The following PIAS2 variants were observed in gnomAD, a reference collection of about 807,000 sequenced individuals.
The protein encoded by PIAS2 is E3 SUMO-protein ligase PIAS2.
PIAS2 carries 19 observed loss-of-function variants against 69.7 expected under a neutral mutation model. That is an observed-to-expected ratio of 0.27 (90% CI 0.19 to 0.40). The LOEUF is 0.40. PIAS2 is among the 10% of genes least tolerant of loss of function. The probability of loss-of-function intolerance (pLI) is 1.00; values close to 1 mark genes in which losing one functional copy is unlikely to be tolerated. For missense variants in PIAS2, 624 were observed against 757.0 expected, an observed-to-expected ratio of 0.82 and a Z score of 2.06; for synonymous variants, 261 against 263.2, an observed-to-expected ratio of 0.99 and a Z score of 0.08.
At chr18:46,910,334 A>G (rs901326375) in intron 1 of PIAS2, among the ~76,000 whole-genome samples, 2 of 152,216 alleles carry the variant, frequency 1.3e-5, no homozygotes, top group Admixed American at 6.5e-5. Flanking sequence ...ACACTAATGA[A>G]TTAGTAAACT....
intron 2 of PIAS2, among the ~76,000 whole-genome samples, chr18:46,871,531 G>A (rs1394541572): frequency 6.6e-6 from 1 of 152,194 alleles, no homozygotes; most frequent in Non-Finnish European, 1.5e-5. Flanking sequence ...GGAGAAAGAA[G>A]TCATTCCATT....
intron 1 of PIAS2, among the ~76,000 whole-genome samples, chr18:46,897,325 A>G (rs907909430): frequency 2.6e-5 from 4 of 152,230 alleles, no homozygotes; most frequent in East Asian, 1.9e-4. Context: ...AGATAAGCCT[A>G]TAACATTTTA....
rs480008 is a variant in PIAS2, at chr18:46,810,235, T to C, written c.*2198A>G. Reference sequence around the variant, plus strand: ...TCACAATTATAAAAGCACAGAGATATCAGTTATAAGAACCAAGTAAATAAA... The same window carrying C: ...TCACAATTATAAAAGCACAGAGATACCAGTTATAAGAACCAAGTAAATAAA... On this transcript the variant is annotated 3_prime_UTR_variant, in exon 14 of 14. Coordinates refer to ENST00000585916, the MANE Select transcript of PIAS2 (RefSeq NM_004671.5). The C allele has an allele frequency of 6.6e-5, 10 of 151,832 alleles. No homozygotes were observed. Among genetic ancestry groups the C allele is most frequent in the African/African-American group, 1.9e-4 (8 of 41,308 alleles). The allele number at this position is 151,832 out of a possible 1,614,324, so 9.4% of individuals were successfully genotyped here.
At chr18:46,844,863 G>A in intron 6 of PIAS2, 24 bp from the exon 7 acceptor site, 1 of 958,670 alleles carries the variant, frequency 1.0e-6, no homozygotes, top group Non-Finnish European at 1.5e-6. Flanking sequence ...AAAAAAACCT[G>A]CATTAAAGAT....
At chr18:46,905,090 T>C (rs1324083225) in intron 1 of PIAS2, among the ~76,000 whole-genome samples, 3 of 152,214 alleles carry the variant, frequency 2.0e-5, no homozygotes, top group Non-Finnish European at 4.4e-5. Context: ...AGTCTCTTCA[T>C]GTACAAATAA....
In PIAS2 at chr18:46,821,012, A is replaced by G. The variant is rs746730119; in HGVS notation, c.1569T>C (p.Ala523=). ...AGTCTGTTAATGAAGGCGGAATAGC[A>G]GCAGGATCAACCGAAGTCACACTGG... ...RVPSVTSVDP[A]AIPPSLTDYS... The change falls in exon 12 of 14, where the codon GCT becomes GCC. Residue 523 remains alanine (A), a synonymous_variant. Transcript: ENST00000585916. 7 of 1,613,368 alleles carry G rather than the reference A, an allele frequency of 4.3e-6. No homozygotes were observed. Among genetic ancestry groups the G allele is most frequent in the Non-Finnish European group, 5.9e-6 (7 of 1,179,514 alleles).
At chr18:46,847,582 C>T (rs527375360) in intron 5 of PIAS2, among the ~76,000 whole-genome samples, 1 of 151,564 alleles carries the variant, frequency 6.6e-6, no homozygotes, top group Non-Finnish European at 1.5e-5. Flanking sequence ...CTCGGGTTCA[C>T]GCCAGTCTCC....
rs1056684707 is a variant in PIAS2, at chr18:46,807,069, C to T, written c.*5364G>A. 6.6e-6 allele frequency: 1 copy of T among 151,474 alleles called. No individual in the cohort carries two copies. The highest frequency in any genetic ancestry group is 2.4e-5 in the African/African-American group (1 of 41,188). The allele number at this position is 151,474 out of a possible 1,614,324, so 9.4% of individuals were successfully genotyped here. Reference sequence around the variant, plus strand: ...CCTGTTTTTATAGCTTTTAGCCTTACCACTTTTCAGTTTGGGGATGGAATG... The same window carrying T: ...CCTGTTTTTATAGCTTTTAGCCTTATCACTTTTCAGTTTGGGGATGGAATG... On this transcript the variant is annotated 3_prime_UTR_variant, in exon 14 of 14. Transcript: ENST00000585916.
At chr18:46,852,905 C>A (rs2047185125) in intron 5 of PIAS2, 1 of 152,270 alleles carries the variant, frequency 6.6e-6, no homozygotes, top group African/African-American at 2.4e-5. Flanking sequence ...AGTCCACAGA[C>A]ACCAAGAAGC....
chr18:46,909,971 A>T (rs1289522127), intron 1 of PIAS2, among the ~76,000 whole-genome samples: 1 of 152,142 alleles, frequency 6.6e-6, no homozygotes, highest in Non-Finnish European at 1.5e-5. Flanking sequence ...GTTCAAGACC[A>T]GCCTGGCCAA....
At chr18:46,841,674 G>C (rs1371948620) in intron 8 of PIAS2, among the ~76,000 whole-genome samples, 1 of 152,124 alleles carries the variant, frequency 6.6e-6, no homozygotes, top group East Asian at 1.9e-4. Flanking sequence ...TTCTTAGAAA[G>C]TGCTCTGAAA....
intron 2 of PIAS2, among the ~76,000 whole-genome samples, chr18:46,876,902 G>A (rs527319282): frequency 3.3e-5 from 5 of 152,008 alleles, no homozygotes; most frequent in South Asian, 2.1e-4. Context: ...GGGTTTCACC[G>A]TGTTAGCCAG....
At chr18:46,912,208 T>C (rs752161296) in intron 1 of PIAS2, among the ~76,000 whole-genome samples, 4 of 152,206 alleles carry the variant, frequency 2.6e-5, no homozygotes, top group Admixed American at 6.5e-5. Context: ...TCAGTATCCG[T>C]AGGGGGCTGG....
chr18:46,849,699 CT>C (rs1213711457), intron 5 of PIAS2, among the ~76,000 whole-genome samples: 1 of 152,178 alleles, frequency 6.6e-6, no homozygotes. Context: ...TACTTGAATA[CT>C]TCTAACAAAG....
chr18:46,809,128 T>G lies in PIAS2; in HGVS notation c.*3305A>C, dbSNP rs2040851074. 1 of 152,222 alleles carries G rather than the reference T, an allele frequency of 6.6e-6. No homozygotes were observed. Among genetic ancestry groups the G allele is most frequent in the Non-Finnish European group, 1.5e-5 (1 of 68,040 alleles). The allele number at this position is 152,222 out of a possible 1,614,324, so 9.4% of individuals were successfully genotyped here. The stretch of plus-strand genomic sequence containing the variant: ...CAAATTCCTCAAGACTAAGGAAAAC[T>G]TGGTTTTATACCAAGAATTATGAAT... On this transcript the variant is annotated 3_prime_UTR_variant, in exon 14 of 14. Coordinates refer to ENST00000585916, the MANE Select transcript of PIAS2 (RefSeq NM_004671.5).
At chr18:46,909,987 T>G (rs550434501) in intron 1 of PIAS2, among the ~76,000 whole-genome samples, 2 of 151,982 alleles carry the variant, frequency 1.3e-5, no homozygotes, top group Admixed American at 6.6e-5. Context: ...GCCAACATGG[T>G]GAAAACTAAT....
chr18:46,880,135 C>A (rs1403374776), intron 2 of PIAS2, among the ~76,000 whole-genome samples: 1 of 151,158 alleles, frequency 6.6e-6, no homozygotes, highest in Non-Finnish European at 1.5e-5. Context: ...GTGGTTCATG[C>A]CTATAATCCC....
chr18:46,861,053 G>A (rs1412842007), intron 3 of PIAS2, among the ~76,000 whole-genome samples: 2 of 152,114 alleles, frequency 1.3e-5, no homozygotes, highest in Non-Finnish European at 2.9e-5. Flanking sequence ...GCCGAGGCAG[G>A]CGGATCACCT....
chr18:46,908,033 G>C (rs1366830347), intron 1 of PIAS2: 10 of 152,146 alleles, frequency 6.6e-5, no homozygotes, highest in African/African-American at 2.2e-4. Context: ...TCTCTTTCTT[G>C]ACCTGCACGA....
Sources: gnomAD v4.1 joint callset for allele counts (sites outside exome capture counted in the v4.1 genomes callset) on GRCh38, gnomAD v4.1.1 for gene constraint, MANE v1.5 for transcripts, NCBI Gene and HGNC (gene_info 2026-07-23, HGNC 2026-07-21) for gene names.